The following PIK3R1 variants were observed in gnomAD, a reference collection of about 807,000 sequenced individuals.
PIK3R1 encodes the protein phosphoinositide-3-kinase regulatory subunit 1, also known as phosphatidylinositol 3-kinase regulatory subunit alpha.
Under a neutral mutation model 98.0 loss-of-function variants are expected in PIK3R1, and 29 were observed. That is an observed-to-expected ratio of 0.30 (90% CI 0.22 to 0.40). The LOEUF (loss-of-function observed/expected upper bound fraction) is 0.40, where lower values mean the gene tolerates loss of function less well. Ranked by LOEUF, PIK3R1 falls within the 10% of genes least tolerant of loss-of-function variation. PIK3R1 has a pLI of 1.00. For synonymous variants in PIK3R1, 282 were observed against 311.8 expected, an observed-to-expected ratio of 0.90 and a Z score of 1.01; for missense variants, 596 against 872.7, an observed-to-expected ratio of 0.68 and a Z score of 3.99.
rs1401537376 is a variant in PIK3R1 at position 68,273,429 on chromosome 5, C to G, written c.374C>G (p.Pro125Arg). Residue 125 changes from proline to arginine, a missense_variant, in exon 3 of 16, where the codon CCT (proline) becomes CGT (arginine). Physicochemically the swap from Pro to Arg is moderately radical, Grantham distance 103. Around this residue, in one of 3 missense-constraint regions of PIK3R1, gnomAD observed 352 missense variants for 393.3 expected, o/e 0.90. Transcript: ENST00000521381. ...LPDLAEQFAP[P>R]DIAPPLLIKL... Reference sequence around the variant, plus strand: ...GATCTTGCAGAGCAGTTTGCCCCTCCTGACATTGCCCCGCCTCTTCTTATC... The same window carrying G: ...GATCTTGCAGAGCAGTTTGCCCCTCGTGACATTGCCCCGCCTCTTCTTATC... 2.5e-6 allele frequency: 4 copies of G among 1,614,020 alleles called. No homozygotes were observed. Among genetic ancestry groups the G allele is most frequent in the Non-Finnish European group, 3.4e-6 (4 of 1,180,006 alleles).
chr5:68,274,677 A>T (rs1265502049), intron 4 of PIK3R1, among the ~76,000 whole-genome samples: 1 of 152,204 alleles, frequency 6.6e-6, no homozygotes, highest in Non-Finnish European at 1.5e-5. Flanking sequence ...TGGATGTGGA[A>T]TTGGGAAGAA....
At position 68,293,374 on chromosome 5, in the gene PIK3R1, C is replaced by A; in HGVS notation, c.1190C>A (p.Thr397Asn). The A allele has an allele frequency of 6.2e-7, 1 of 1,613,340 alleles. No homozygotes were observed. The highest frequency in any genetic ancestry group is 1.1e-5 in the South Asian group (1 of 91,064). ...AAATATGGCTTCTCTGACCCATTAA[C>A]CTTCAGTTCTGTGGTTGAATTAATA... ...DGKYGFSDPL[T>N]FSSVVELINH... Residue 397 changes from threonine to asparagine, a missense_variant, in exon 10 of 16, where the codon ACC (threonine) becomes AAC (asparagine). By Grantham distance (65) the Thr-to-Asn change is moderately conservative (BLOSUM62 0). This residue lies in a region of PIK3R1 where 37 missense variants were observed against 118.0 expected (regional missense o/e 0.31). Transcript: ENST00000521381.
chr5:68,241,523 A>G (rs1744872471), intron 2 of PIK3R1, among the ~76,000 whole-genome samples: 1 of 152,066 alleles, frequency 6.6e-6, no homozygotes, highest in South Asian at 2.1e-4. Context: ...GTGACTCCTT[A>G]CTAACACAAT....
intron 7 of PIK3R1, among the ~76,000 whole-genome samples, chr5:68,288,072 T>C (rs894311790): frequency 6.6e-6 from 1 of 152,124 alleles, no homozygotes; most frequent in Non-Finnish European, 1.5e-5. Flanking sequence ...AGTGAGGCTT[T>C]GATTCTATTT....
At chr5:68,288,421 A>G (rs1747173868) in intron 7 of PIK3R1, 6 of 1,237,786 alleles carry the variant, frequency 4.8e-6, no homozygotes, top group Non-Finnish European at 5.0e-6. Context: ...TCCCCGATAC[A>G]GTAGCGAAAT....
chr5:68,288,125 T>G (rs1174802874), intron 7 of PIK3R1, among the ~76,000 whole-genome samples: 2 of 152,180 alleles, frequency 1.3e-5, no homozygotes, highest in Admixed American at 6.5e-5. Context: ...TGGCTGTGCA[T>G]AGTGCCTCGC....
At chr5:68,222,825 T>C (rs937790137) in intron 1 of PIK3R1, among the ~76,000 whole-genome samples, 1 of 152,136 alleles carries the variant, frequency 6.6e-6, no homozygotes, top group Admixed American at 6.5e-5. Context: ...CCAAAGCAAG[T>C]TGAGTTCAGG....
intron 2 of PIK3R1, among the ~76,000 whole-genome samples, chr5:68,242,623 A>G (rs886937951): frequency 6.6e-6 from 1 of 152,176 alleles, no homozygotes; most frequent in Admixed American, 6.5e-5. Flanking sequence ...GAGTTAGGGT[A>G]TCCCCAAGAG....
At chr5:68,262,176 CTGAT>C (rs1463023325) in intron 2 of PIK3R1, among the ~76,000 whole-genome samples, 1 of 151,896 alleles carries the variant, frequency 6.6e-6, no homozygotes, top group African/African-American at 2.4e-5. Flanking sequence ...ATTAAAACGA[CTGAT>C]TGAATAGTTC....
chr5:68,220,385 C>T (rs139278906), intron 1 of PIK3R1, among the ~76,000 whole-genome samples: 126 of 152,246 alleles, frequency 8.3e-4, no homozygotes, highest in African/African-American at 2.6e-3. Flanking sequence ...TGCAGAGAAC[C>T]GGAATGGTCA....
At chr5:68,271,746 C>T (rs1240130298) in intron 2 of PIK3R1, among the ~76,000 whole-genome samples, 5 of 152,200 alleles carry the variant, frequency 3.3e-5, no homozygotes, top group Non-Finnish European at 7.3e-5. Context: ...TAGCTCTTCT[C>T]TTTTTATCCT....
intron 2 of PIK3R1, among the ~76,000 whole-genome samples, chr5:68,245,929 C>T (rs1460777742): frequency 6.6e-6 from 1 of 152,200 alleles, no homozygotes; most frequent in East Asian, 1.9e-4. Context: ...TAAGCATGGA[C>T]TGACCAGTTC....
chr5:68,226,659 G>A lies in PIK3R1; in HGVS notation c.-17G>A. ...TACAACCAGGCTCAACTGTTGCATGGTAGCAGATTTGCAAACATGAGTGCT... is the reference window on the plus strand; with the variant it reads ...TACAACCAGGCTCAACTGTTGCATGATAGCAGATTTGCAAACATGAGTGCT... On this transcript the variant is annotated 5_prime_UTR_variant, in exon 2 of 16. Coordinates refer to ENST00000521381, the MANE Select transcript of PIK3R1 (RefSeq NM_181523.3). 2 of 1,597,898 alleles carry A rather than the reference G, an allele frequency of 1.3e-6. No individual in the cohort carries two copies. The highest frequency in any genetic ancestry group is 1.7e-6 in the Non-Finnish European group (2 of 1,166,716).
intron 2 of PIK3R1, among the ~76,000 whole-genome samples, chr5:68,241,085 T>C (rs1744855118): frequency 6.6e-6 from 1 of 152,204 alleles, no homozygotes; most frequent in South Asian, 2.1e-4. Flanking sequence ...AATCTTCACA[T>C]TATATTGTCT....
chr5:68,216,151 G>A (rs926078583), intron 1 of PIK3R1, among the ~76,000 whole-genome samples: 5 of 152,278 alleles, frequency 3.3e-5, no homozygotes, highest in Admixed American at 3.3e-4. Flanking sequence ...CCCGCGCGCG[G>A]CCGGCGTCCT....
intron 2 of PIK3R1, among the ~76,000 whole-genome samples, chr5:68,254,286 C>T (rs1561273168): frequency 6.6e-6 from 1 of 152,156 alleles, no homozygotes; most frequent in Non-Finnish European, 1.5e-5. Flanking sequence ...TATGGTCAAG[C>T]CCCTTCTCTT....
At chr5:68,295,712 CTGTGTCCATAA>C (rs952341146) in intron 14 of PIK3R1, 1 of 569,316 alleles carries the variant, frequency 1.8e-6, no homozygotes, top group Non-Finnish European at 3.1e-6. Context: ...AAACAACTCT[CTGTGTCCATAA>C]TGATGTCCCT....
At chr5:68,269,964 T>G (rs1201357510) in intron 2 of PIK3R1, among the ~76,000 whole-genome samples, 2 of 152,180 alleles carry the variant, frequency 1.3e-5, no homozygotes, top group Admixed American at 6.5e-5. Flanking sequence ...GATTCATACA[T>G]TTGAGCGATA....
intron 8 of PIK3R1, 65 bp from the exon 9 acceptor site, chr5:68,293,019 CTAAAAAATAGCCTATTT>C: frequency 8.4e-7 from 1 of 1,186,270 alleles, no homozygotes; most frequent in Non-Finnish European, 1.2e-6. Context: ...TAAAACTGCT[CTAAAAAATAGCCTATTT>C]TAAAAAATAT....
Sources: gnomAD v4.1 joint callset for allele counts (sites outside exome capture counted in the v4.1 genomes callset) on GRCh38, gnomAD v4.1.1 for gene constraint, gnomAD v4.1.1 regional missense constraint, MANE v1.5 for transcripts, NCBI Gene and HGNC (gene_info 2026-07-23, HGNC 2026-07-21) for gene names.